The following PACC1 variants were observed in gnomAD, a reference collection of about 807,000 sequenced individuals.
PACC1 encodes the protein proton-activated chloride channel.
PACC1 carries 34 observed loss-of-function variants against 39.7 expected under a neutral mutation model. The ratio of observed to expected loss-of-function variants is 0.86; its 90% CI spans 0.65 to 1.14. PACC1 has a LOEUF of 1.14. Ranked by LOEUF, PACC1 falls within the 50% of genes most tolerant of loss-of-function variation. The probability of loss-of-function intolerance (pLI) is 0.00; values close to 1 mark genes in which losing one functional copy is unlikely to be tolerated. For synonymous variants in PACC1, 127 were observed against 160.6 expected (o/e 0.79, Z 1.58); for missense variants, 379 against 436.4 (o/e 0.87, Z 1.17).
In PACC1 at chr1:212,386,929, G is replaced by A. The variant is rs901260016; in HGVS notation, c.305C>T (p.Ser102Phe). The change falls in exon 3 of 8, where the codon TCT (serine) becomes TTT (phenylalanine). Residue 102 changes from serine to phenylalanine, a missense_variant. Ser to Phe is a radical substitution (Grantham distance 155, BLOSUM62 -2). Transcript: ENST00000261455. The surrounding 1 kb of genome is among the most constrained non-coding windows in gnomAD (Gnocchi z 5.0). ...FREKLKHPVM[S>F]VSYKEVDRYD... ...GCGATCCACTTCCTTGTAAGACACA[G>A]ACATGACAGGGTGCTTGAGTTTCTC... 3 of 1,614,108 alleles carry A rather than the reference G, an allele frequency of 1.9e-6. No homozygotes were observed. In the African/African-American group the frequency reaches 4.0e-5, roughly 22 times the overall value.
At chr1:212,373,130 G>C (rs1660520904) in intron 7 of PACC1, among the ~76,000 whole-genome samples, 2 of 152,090 alleles carry the variant, frequency 1.3e-5, no homozygotes, top group Non-Finnish European at 2.9e-5. Flanking sequence ...AGTAAACAAA[G>C]CAGCATGGTA....
chr1:212,376,686 A>G (rs1411297529), intron 6 of PACC1: 1 of 152,222 alleles, frequency 6.6e-6, no homozygotes, highest in Non-Finnish European at 1.5e-5. Context: ...AGGCAGGAAA[A>G]ATAGCCTTGC....
At chr1:212,404,361 C>T (rs1401344204) in intron 2 of PACC1, among the ~76,000 whole-genome samples, 1 of 151,908 alleles carries the variant, frequency 6.6e-6, no homozygotes, top group African/African-American at 2.4e-5. Flanking sequence ...CCACCTCAGC[C>T]TCCCAAAGTG....
chr1:212,385,484 A>G (rs1661068402), intron 3 of PACC1, 59 bp from the exon 4 acceptor site: 2 of 1,582,172 alleles, frequency 1.3e-6, no homozygotes, highest in South Asian at 2.2e-5. Flanking sequence ...CACATCCCTG[A>G]AATCATCTCA....
intron 4 of PACC1, 55 bp from the exon 5 acceptor site, chr1:212,380,092 T>G: frequency 1.3e-6 from 2 of 1,579,450 alleles, no homozygotes; most frequent in Non-Finnish European, 1.7e-6. Context: ...CAGAGGCCTC[T>G]GGGTCTGAGG....
chr1:212,414,575 C>G, intron 1 of PACC1, 147 bp downstream of exon 1: 1 of 1,027,046 alleles, frequency 9.7e-7, no homozygotes, highest in African/African-American at 1.6e-5. Flanking sequence ...CTCTGCACCC[C>G]GGGAGCCCTC....
intron 2 of PACC1, among the ~76,000 whole-genome samples, chr1:212,404,208 G>A (rs567050613): frequency 6.6e-6 from 1 of 152,050 alleles, no homozygotes; most frequent in African/African-American, 2.4e-5. Flanking sequence ...CCAGGTTCAC[G>A]CCATTCTCCT....
chr1:212,376,972 G>A (rs1172542129), intron 6 of PACC1: 4 of 152,144 alleles, frequency 2.6e-5, no homozygotes, highest in Admixed American at 6.5e-5. Context: ...TGTTTAAAGT[G>A]TATATAACAC....
In PACC1 at chr1:212,414,708, T is replaced by A; in HGVS notation, c.36+14A>T. 1 of 1,612,826 alleles carries A rather than the reference T, an allele frequency of 6.2e-7. No homozygotes were observed. Among genetic ancestry groups the A allele is most frequent in the Non-Finnish European group, 8.5e-7 (1 of 1,179,298 alleles). Reference sequence around the variant, plus strand: ...CCGCCTCAAACTTCCCTTCCGTCTCTCACAACCTCGTACCTCCTGGTAGGA... The same window carrying A: ...CCGCCTCAAACTTCCCTTCCGTCTCACACAACCTCGTACCTCCTGGTAGGA... On this transcript the variant is annotated intron_variant, in intron 1 of 7. Coordinates refer to ENST00000261455, the MANE Select transcript of PACC1 (RefSeq NM_018252.3).
At chr1:212,414,693 C>T in intron 1 of PACC1, 29 bp downstream of exon 1, 1 of 1,612,216 alleles carries the variant, frequency 6.2e-7, no homozygotes, top group Non-Finnish European at 8.5e-7. Flanking sequence ...CCGCCTCAAA[C>T]TTCCCTTCCG....
At chr1:212,385,169 TG>T (rs2102496060) in intron 4 of PACC1, 104 bp downstream of exon 4, 2 of 1,323,804 alleles carry the variant, frequency 1.5e-6, no homozygotes, top group East Asian at 4.6e-5. Context: ...GGCCCCACAC[TG>T]AGTGAGTGGA....
chr1:212,414,846 G>A lies in PACC1; in HGVS notation c.-89C>T, dbSNP rs529422328. The A allele has an allele frequency of 3.2e-6, 5 of 1,551,926 alleles. No homozygotes were observed. Among genetic ancestry groups the A allele is most frequent in the African/African-American group, 1.4e-5 (1 of 73,396 alleles). ...TGCGGCCGCTGCACCTGGACCTACC[G>A]GCTCCGCGAGGCGAAACCGGTCCGG... On this transcript the variant is annotated 5_prime_UTR_variant, in exon 1 of 8. Coordinates refer to ENST00000261455, the MANE Select transcript of PACC1 (RefSeq NM_018252.3).
At chr1:212,392,610 A>G (rs1661364386) in intron 2 of PACC1, among the ~76,000 whole-genome samples, 1 of 152,224 alleles carries the variant, frequency 6.6e-6, no homozygotes, top group Admixed American at 6.5e-5. Flanking sequence ...TTAAATGTAA[A>G]TGGGCTAAAT....
intron 1 of PACC1, 53 bp downstream of exon 1, chr1:212,414,669 G>A (rs1351590340): frequency 3.3e-5 from 45 of 1,362,972 alleles, no homozygotes; most frequent in East Asian, 1.3e-4. Flanking sequence ...CCAGGCCCCC[G>A]GGACCCTGCT....
intron 4 of PACC1, among the ~76,000 whole-genome samples, chr1:212,382,743 C>T (rs1660951790): frequency 6.6e-6 from 1 of 152,196 alleles, no homozygotes; most frequent in Non-Finnish European, 1.5e-5. Flanking sequence ...CTCACACAAG[C>T]AGGAAGTGAG....
At chr1:212,381,122 A>T (rs926418695) in intron 4 of PACC1, among the ~76,000 whole-genome samples, 7 of 152,118 alleles carry the variant, frequency 4.6e-5, no homozygotes, top group African/African-American at 7.2e-5. Context: ...TGTCTATTTG[A>T]TCTGTGAATT....
intron 7 of PACC1, 117 bp downstream of exon 7, chr1:212,375,076 C>T (rs747535712): frequency 1.3e-5 from 10 of 758,320 alleles, no homozygotes; most frequent in Non-Finnish European, 1.7e-5. Context: ...TATCAGTCTA[C>T]AAGAATGAGC....
At chr1:212,392,127 C>A (rs1438119691) in intron 2 of PACC1, among the ~76,000 whole-genome samples, 1 of 152,104 alleles carries the variant, frequency 6.6e-6, no homozygotes, top group Non-Finnish European at 1.5e-5. Context: ...GAGCAACTCT[C>A]AGACACATAA....
chr1:212,376,904 G>T (rs182375451), intron 6 of PACC1: 1 of 152,148 alleles, frequency 6.6e-6, no homozygotes, highest in Non-Finnish European at 1.5e-5. Flanking sequence ...AAGAAGAAAA[G>T]ACTAGCTTTT....
Sources: allele counts gnomAD v4.1 joint callset (sites outside exome capture counted in the v4.1 genomes callset), GRCh38; gene constraint gnomAD v4.1.1; non-coding constraint Gnocchi (gnomAD v3.1); transcripts MANE v1.5; gene names NCBI Gene and HGNC (gene_info 2026-07-23, HGNC 2026-07-21).